Variants in FOXP2 observed in about 807,000 individuals in gnomAD.
The protein encoded by FOXP2 is forkhead box P2.
Under a neutral mutation model 115.8 loss-of-function variants are expected in FOXP2, and 12 were observed. The observed-to-expected ratio is 0.10, with a 90% CI of 0.07 to 0.17. The LOEUF is 0.17. Among genes scored for constraint, FOXP2 ranks in the 10% least tolerant of loss-of-function variants. FOXP2 has a pLI of 1.00. For missense variants in FOXP2, 629 were observed against 843.5 expected, an observed-to-expected ratio of 0.75 and a Z score of 3.15; for synonymous variants, 328 against 297.7, an observed-to-expected ratio of 1.10 and a Z score of -1.05.
intron 2 of FOXP2, among the ~76,000 whole-genome samples, chr7:114,485,078 G>C (rs1251085006): frequency 1.3e-5 from 2 of 151,836 alleles, no homozygotes; most frequent in Non-Finnish European, 2.9e-5. Context: ...ATTAGTACTA[G>C]ATTTTGTTAA....
At chr7:114,588,918 TAA>T (rs1196683507) in intron 3 of FOXP2, among the ~76,000 whole-genome samples, 1 of 152,192 alleles carries the variant, frequency 6.6e-6, no homozygotes, top group Admixed American at 6.5e-5. Context: ...CTCCCTGCTA[TAA>T]AAAGAGTAGG....
At chr7:114,218,910 C>T (rs1044348814) in intron 1 of FOXP2, among the ~76,000 whole-genome samples, 6 of 152,122 alleles carry the variant, frequency 3.9e-5, no homozygotes, top group Admixed American at 1.3e-4. Context: ...ATTTTGGTAC[C>T]AGCTGCCGTC....
chr7:114,633,192 A>G (rs1176245034), intron 6 of FOXP2, among the ~76,000 whole-genome samples: 1 of 152,138 alleles, frequency 6.6e-6, no homozygotes, highest in Non-Finnish European at 1.5e-5. Flanking sequence ...ATATGTGCTA[A>G]TAGAAACACA....
chr7:114,158,702 G>T (rs1378337970), upstream of FOXP2, among the ~76,000 whole-genome samples: 1 of 151,982 alleles, frequency 6.6e-6, no homozygotes. Context: ...GAAACCTAAC[G>T]ACTACATGCA....
chr7:114,311,604 C>T (rs1487922337), intron 2 of FOXP2, among the ~76,000 whole-genome samples: 3 of 152,030 alleles, frequency 2.0e-5, no homozygotes, highest in Non-Finnish European at 2.9e-5. Flanking sequence ...GAACTCAAAC[C>T]AAGGTTTCTT....
At chr7:114,667,693 A>C (rs1807244857) in intron 16 of FOXP2, 1 of 152,148 alleles carries the variant, frequency 6.6e-6, no homozygotes, top group Non-Finnish European at 1.5e-5. Context: ...AGTGACTTAA[A>C]TATCAAGCTA....
chr7:114,133,836 C>T (rs1314397731), intron 1 of FOXP2, among the ~76,000 whole-genome samples: 1 of 152,188 alleles, frequency 6.6e-6, no homozygotes. Context: ...TAGATGGCTA[C>T]ATCTGCTTTG....
intron 1 of FOXP2, among the ~76,000 whole-genome samples, chr7:114,187,105 C>T (rs1035573031): frequency 6.6e-6 from 1 of 152,190 alleles, no homozygotes; most frequent in Non-Finnish European, 1.5e-5. Flanking sequence ...CCATACTCAT[C>T]TCCTTATCAA....
intron 3 of FOXP2, among the ~76,000 whole-genome samples, chr7:114,605,686 T>G (rs1163408813): frequency 1.3e-5 from 2 of 152,092 alleles, no homozygotes; most frequent in Non-Finnish European, 2.9e-5. Flanking sequence ...AGAAAGAGAT[T>G]AAAAAACTAA....
chr7:114,473,342 A>T (rs1453535404), intron 2 of FOXP2, among the ~76,000 whole-genome samples: 1 of 152,196 alleles, frequency 6.6e-6, no homozygotes, highest in Non-Finnish European at 1.5e-5. Flanking sequence ...TGCCAGAATG[A>T]AAGTAAGGAT....
Position 114,314,117 on chromosome 7 carries a change from G to T in FOXP2, c.-11+26008G>T, listed in dbSNP as rs371436720. Among the ~76,000 whole-genome samples the T allele has an allele frequency of 4.8e-4, 73 of 151,938 alleles. No homozygotes were observed. In the East Asian group the frequency reaches 0.013, roughly 27 times the overall value. On this transcript the variant is annotated intron_variant, in intron 2 of 17. Coordinates refer to the FOXP2 transcript ENST00000634411. ...GATTAATATCCTGTGAAACTTTTATGTACGTGTATTTGAGTTCTCAGTGCT... is the reference window on the plus strand; with the variant it reads ...GATTAATATCCTGTGAAACTTTTATTTACGTGTATTTGAGTTCTCAGTGCT...
Position 114,664,294 on chromosome 7 carries a change from T to C in FOXP2, c.1861T>C (p.Leu621=). The stretch of plus-strand genomic sequence containing the variant: ...CTAGGCTGCCTTGGCAGAGAGCAGT[T>C]TACCTTTGCTAAGTAATCCTGGACT... The part of the protein sequence containing the change: ...SLQAALAESS[L]PLLSNPGLIN... Residue 621 remains leucine (L), a synonymous_variant, in exon 16 of 17, where the codon TTA becomes CTA. Coordinates refer to ENST00000350908, the MANE Select transcript of FOXP2 (RefSeq NM_014491.4). 1 of 1,613,400 alleles carries C rather than the reference T, an allele frequency of 6.2e-7. No individual in the cohort carries two copies. The highest frequency in any genetic ancestry group is 1.1e-5 in the South Asian group (1 of 91,070).
intron 2 of FOXP2, among the ~76,000 whole-genome samples, chr7:114,406,628 G>A (rs1368018072): frequency 6.6e-6 from 1 of 151,820 alleles, no homozygotes; most frequent in African/African-American, 2.4e-5. Context: ...TTTCCATTCT[G>A]AAAAAGAATT....
rs559483046 is a variant in FOXP2 at position 114,148,106 on chromosome 7, T to C, written c.-246-14838T>C. ...CACATAAATACTCACAGCTTGATAA[T>C]ACACTTTATCTCTTAGGGCAAAGCC... On this transcript the variant is annotated intron_variant, in intron 1 of 19. Coordinates refer to the FOXP2 transcript ENST00000635638. Among the ~76,000 whole-genome samples, 7 of 152,328 alleles carry C rather than the reference T, an allele frequency of 4.6e-5. No individual in the cohort carries two copies. The South Asian group carries it at 1.4e-3, about 32-fold the overall frequency.
chr7:114,381,017 AG>A (rs1792277276), intron 2 of FOXP2, among the ~76,000 whole-genome samples: 2 of 152,220 alleles, frequency 1.3e-5, no homozygotes, highest in Non-Finnish European at 2.9e-5. Flanking sequence ...GGGCCTGGAA[AG>A]CCACTTCTGC....
intron 16 of FOXP2, chr7:114,667,774 C>T (rs1489546991): frequency 6.6e-6 from 1 of 152,042 alleles, no homozygotes; most frequent in Non-Finnish European, 1.5e-5. Context: ...CAGAGCTATG[C>T]ATTAGAAACA....
At chr7:114,622,845 T>C (rs1804328410) in intron 3 of FOXP2, among the ~76,000 whole-genome samples, 1 of 152,088 alleles carries the variant, frequency 6.6e-6, no homozygotes, top group African/African-American at 2.4e-5. Context: ...AAATAAAAGA[T>C]TATTTTTAGC....
rs1438603963 is a variant in FOXP2 at position 114,435,040 on chromosome 7, G to T, written c.168+8361G>T. ...ATAACTGAATCAGCTCTCTCATAAT[G>T]CTTCCATAACGGAAGTTGCCTTAAC... On this transcript the variant is annotated intron_variant, in intron 2 of 16. Coordinates refer to ENST00000350908, the MANE Select transcript of FOXP2 (RefSeq NM_014491.4). Among the ~76,000 whole-genome samples the T allele has an allele frequency of 1.4e-4, 22 of 152,102 alleles. 1 individual carries two copies. The highest frequency in any genetic ancestry group is 1.4e-3 in the Admixed American group (22 of 15,264).
intron 3 of FOXP2, among the ~76,000 whole-genome samples, chr7:114,611,890 A>AT (rs1803648680): frequency 6.6e-6 from 1 of 152,134 alleles, no homozygotes; most frequent in East Asian, 1.9e-4. Flanking sequence ...AAGTTAAGAG[A>AT]GTGGGAGAGG....
Sources: allele counts gnomAD v4.1 joint callset (sites outside exome capture counted in the v4.1 genomes callset), GRCh38; gene constraint gnomAD v4.1.1; transcripts MANE v1.5; gene names NCBI Gene and HGNC (gene_info 2026-07-23, HGNC 2026-07-21).